The following CEACAM1 variants were observed in gnomAD, a reference collection of about 807,000 sequenced individuals.
The protein encoded by CEACAM1 is cell adhesion molecule CEACAM1.
In CEACAM1, 31 loss-of-function variants were observed where a neutral mutation model predicts 49.1. That is an observed-to-expected ratio of 0.63 (90% confidence interval 0.47 to 0.85). CEACAM1 has a LOEUF of 0.85. Ranked by LOEUF, CEACAM1 falls within the 40% of genes least tolerant of loss-of-function variation. The probability of loss-of-function intolerance (pLI) is 0.00; values close to 1 mark genes in which losing one functional copy is unlikely to be tolerated. For missense variants in CEACAM1, 570 were observed against 645.3 expected, an observed-to-expected ratio of 0.88 and a Z score of 1.26; for synonymous variants, 244 against 247.8, an observed-to-expected ratio of 0.98 and a Z score of 0.14.
At chr19:42,524,892 T>G (rs1332295186) in intron 2 of CEACAM1, among the ~76,000 whole-genome samples, 1 of 152,022 alleles carries the variant, frequency 6.6e-6, no homozygotes, top group Admixed American at 6.5e-5. Flanking sequence ...AATATGGTAC[T>G]TGGGGTGGCT....
intron 5 of CEACAM1, 114 bp downstream of exon 5, chr19:42,518,834 T>C (rs1600227107): frequency 8.1e-7 from 1 of 1,229,290 alleles, no homozygotes; most frequent in East Asian, 2.3e-5. Flanking sequence ...CAATTCTGTT[T>C]GCTATAATGG....
At position 42,512,185 on chromosome 19, in the gene CEACAM1, C is replaced by T. The variant is rs77869185; in HGVS notation, c.1376+165G>A. ...AAGAGATAATGGGAGACAGGGAGCA[C>T]GAAGACCAGGGAAGAGGAAACCTGT... On this transcript the variant is annotated intron_variant, in intron 6 of 8. Transcript: ENST00000161559. 3.6e-3 allele frequency among the ~76,000 whole-genome samples: 541 copies of T among 152,236 alleles called. 11 individuals are homozygous for T. In the East Asian group the frequency reaches 0.058, roughly 16 times the overall value.
intron 1 of CEACAM1, 106 bp from the exon 2 acceptor site, chr19:42,527,506 T>C (rs878997620): frequency 1.2e-5 from 1 of 82,418 alleles, no homozygotes; most frequent in African/African-American, 1.2e-4. Flanking sequence ...CACCTTGGAG[T>C]GTGTGTGTGT....
Position 42,511,647 on chromosome 19 carries a change from CTG to C in CEACAM1, c.1377-21_1377-20del. On this transcript the variant is annotated intron_variant, in intron 6 of 8. Transcript: ENST00000161559. ...GCTTGCCCTAAATAAATATCAGAAACTGTGACTGCTATTCCCAAGCACAGGAT... is the reference window on the plus strand; with the variant it reads ...GCTTGCCCTAAATAAATATCAGAAACTGACTGCTATTCCCAAGCACAGGAT... 1 of 1,612,476 alleles carries C rather than the reference CTG, an allele frequency of 6.2e-7. No homozygotes were observed. The highest frequency in any genetic ancestry group is 1.1e-5 in the South Asian group (1 of 91,046).
intron 4 of CEACAM1, among the ~76,000 whole-genome samples, chr19:42,519,662 C>T (rs182794076): frequency 9.4e-4 from 143 of 152,044 alleles, no homozygotes; most frequent in African/African-American, 3.1e-3. Context: ...CTCTGCCTCC[C>T]GGGTTCAAGC....
chr19:42,528,175 C>A lies in CEACAM1; in HGVS notation c.64+136G>T, dbSNP rs933477191. 17 of 660,604 alleles carry A rather than the reference C, an allele frequency of 2.6e-5. No individual in the cohort carries two copies. In the Admixed American group the frequency reaches 2.7e-4, roughly 11 times the overall value. 40.9% of individuals were successfully genotyped at this position (660,604 alleles called of 1,614,324 possible). On this transcript the variant is annotated intron_variant, in intron 1 of 8. Coordinates refer to ENST00000161559, the MANE Select transcript of CEACAM1 (RefSeq NM_001712.5). The stretch of plus-strand genomic sequence containing the variant: ...GAGACTTTCCTTTTATGATCTCTAT[C>A]CCTTTCATGTCCTCTCTCCTATTTG...
intron 2 of CEACAM1, among the ~76,000 whole-genome samples, chr19:42,524,855 C>T (rs2041850292): frequency 6.6e-6 from 1 of 152,104 alleles, no homozygotes; most frequent in African/African-American, 2.4e-5. Flanking sequence ...AACCTTCCCA[C>T]AGCCGAGCAG....
intron 2 of CEACAM1, 144 bp from the exon 3 acceptor site, chr19:42,522,346 C>G: frequency 7.2e-6 from 10 of 1,387,284 alleles, no homozygotes; most frequent in Non-Finnish European, 8.7e-6. Context: ...ACGATCTCGG[C>G]TCACTGCAAC....
chr19:42,527,952 G>T, intron 1 of CEACAM1: 1 of 255,074 alleles, frequency 3.9e-6, no homozygotes, highest in East Asian at 1.0e-4. Context: ...TTCATGTCCT[G>T]GGGTTTATTT....
intron 6 of CEACAM1, 102 bp downstream of exon 6, chr19:42,512,248 A>C (rs1330752811): frequency 1.5e-6 from 2 of 1,339,146 alleles, no homozygotes; most frequent in Non-Finnish European, 2.1e-6. Context: ...TAGTGGGAGG[A>C]GTATGAGATC....
At chr19:42,521,193 C>T (rs2041736488) in intron 4 of CEACAM1, 74 bp downstream of exon 4, 1 of 1,550,762 alleles carries the variant, frequency 6.4e-7, no homozygotes. Context: ...AAGAAAATTT[C>T]TTCTCTGCTC....
At chr19:42,516,473 A>G (rs1320004520) in intron 5 of CEACAM1, among the ~76,000 whole-genome samples, 1 of 152,184 alleles carries the variant, frequency 6.6e-6, no homozygotes, top group Non-Finnish European at 1.5e-5. Flanking sequence ...CCCTGAAAAT[A>G]CAAAACATTG....
At chr19:42,511,270 C>T in intron 7 of CEACAM1, 2 of 569,224 alleles carry the variant, frequency 3.5e-6, no homozygotes, top group Non-Finnish European at 6.3e-6. Context: ...AGGGAGAGTG[C>T]CCACATCCGT....
Position 42,527,092 on chromosome 19 carries a change from T to G in CEACAM1, c.373A>C (p.Ile125Leu). The change falls in exon 2 of 9, where the codon ATA becomes CTA. Residue 125 changes from isoleucine to leucine, a missense_variant. Ile to Leu is a conservative substitution (Grantham distance 5). Transcript: ENST00000161559. Reference protein sequence around the residue: ...NDTGFYTLQVIKSDLVNEEAT... With the variant: ...NDTGFYTLQVLKSDLVNEEAT... ...TCTTCATTCACAAGATCTGACTTTA[T>G]GACTTGTAGGGTGTAGAATCCTGTG... is the stretch of plus-strand genomic sequence containing the variant. 6.2e-7 allele frequency: 1 copy of G among 1,613,268 alleles called. No individual in the cohort carries two copies. Among genetic ancestry groups the G allele is most frequent in the Non-Finnish European group, 8.5e-7 (1 of 1,179,568 alleles).
At chr19:42,511,519 G>T (rs2147769168) in intron 7 of CEACAM1, 57 bp downstream of exon 7, 2 of 1,412,576 alleles carry the variant, frequency 1.4e-6, no homozygotes, top group Middle Eastern at 2.2e-4. Flanking sequence ...TTCCCTGCCA[G>T]GGGAGGGCAC....
rs570443626 is a variant in CEACAM1, at chr19:42,521,421, C to T, written c.804G>A (p.Gln268=). 7.4e-6 allele frequency: 12 copies of T among 1,614,206 alleles called. No homozygotes were observed. In the East Asian group the frequency reaches 2.0e-4, roughly 27 times the overall value. The part of the protein sequence containing the change: ...SCYAASNPPA[Q]YSWLINGTFQ... ...ATGTTCCATTGATAAGCCAGGAGTA[C>T]TGTGCAGGTGGGTTAGAGGCTGCAT... Residue 268 remains glutamine, a synonymous_variant, in exon 4 of 9, where the codon CAG becomes CAA. Coordinates refer to ENST00000161559, the MANE Select transcript of CEACAM1 (RefSeq NM_001712.5).
In CEACAM1 at chr19:42,528,382, C is replaced by T. The variant is rs1197903794; in HGVS notation, c.-8G>A. The T allele has an allele frequency of 3.1e-6, 5 of 1,613,748 alleles. No individual in the cohort carries two copies. Among genetic ancestry groups the T allele is most frequent in the Non-Finnish European group, 4.2e-6 (5 of 1,179,898 alleles). ...GGCTGAGAGGTGCCCCATGGTGTCT[C>T]CTGCTGGCCCTGTCTTCACCTGTGG... On this transcript the variant is annotated 5_prime_UTR_variant, in exon 1 of 9. Coordinates refer to ENST00000161559, the MANE Select transcript of CEACAM1 (RefSeq NM_001712.5).
intron 2 of CEACAM1, chr19:42,525,794 T>C (rs2041876293): frequency 6.6e-6 from 1 of 152,194 alleles, no homozygotes. Context: ...GACCTTGATA[T>C]AGTGACTGTA....
intron 5 of CEACAM1, among the ~76,000 whole-genome samples, chr19:42,513,893 CATATATATATATAT>C (rs144403954): frequency 9.5e-6 from 1 of 104,980 alleles, no homozygotes; most frequent in Non-Finnish European, 1.7e-5. Flanking sequence ...CTTCTCCCTC[CATATATATATATAT>C]ATATATATAT....
Sources: gnomAD v4.1 joint callset for allele counts (sites outside exome capture counted in the v4.1 genomes callset) on GRCh38, gnomAD v4.1.1 for gene constraint, MANE v1.5 for transcripts, NCBI Gene and HGNC (gene_info 2026-07-23, HGNC 2026-07-21) for gene names.